The following CDAN1 variants were observed in gnomAD, a reference collection of about 807,000 sequenced individuals.
CDAN1 encodes codanin-1.
CDAN1 carries 107 observed loss-of-function variants against 139.8 expected under a neutral mutation model. The ratio of observed to expected loss-of-function variants is 0.77; its 90% CI spans 0.65 to 0.90. CDAN1 has a LOEUF of 0.90. CDAN1 is among the 40% of genes least tolerant of loss of function. The probability of loss-of-function intolerance (pLI) is 0.00; values close to 1 mark genes in which losing one functional copy is unlikely to be tolerated. For missense variants in CDAN1, 1,667 were observed against 1,575.7 expected, an observed-to-expected ratio of 1.06 and a Z score of -0.98; for synonymous variants, 776 against 660.6, an observed-to-expected ratio of 1.17 and a Z score of -2.68.
At chr15:42,729,766 C>T (rs763331335) in intron 16 of CDAN1, 30 bp downstream of exon 16, 1 of 1,606,272 alleles carries the variant, frequency 6.2e-7, no homozygotes, top group South Asian at 1.1e-5. Flanking sequence ...CCTGAGTTTC[C>T]CATGGCTCTG....
intron 10 of CDAN1, 141 bp from the exon 11 acceptor site, chr15:42,731,966 A>G: frequency 1.2e-6 from 1 of 810,266 alleles, no homozygotes; most frequent in Non-Finnish European, 2.1e-6. Flanking sequence ...CTGAGATGTG[A>G]ATTACAGTAT....
At chr15:42,726,515 A>C in intron 23 of CDAN1, 98 bp from the exon 24 acceptor site, 1 of 929,536 alleles carries the variant, frequency 1.1e-6, no homozygotes, top group Non-Finnish European at 1.7e-6. Context: ...GAGAGGCAGA[A>C]GAATGGGCCC....
intron 13 of CDAN1, 22 bp downstream of exon 13, chr15:42,730,903 C>G: frequency 1.2e-6 from 2 of 1,614,162 alleles, no homozygotes; most frequent in Non-Finnish European, 1.7e-6. Context: ...TCCCTCCTCA[C>G]CAGAATCCCC....
intron 9 of CDAN1, 102 bp downstream of exon 9, chr15:42,732,994 TG>T (rs1323601864): frequency 4.5e-6 from 4 of 898,540 alleles, no homozygotes; most frequent in Non-Finnish European, 7.1e-6. Flanking sequence ...AGCTAATGGC[TG>T]GTAGGAGCGG....
chr15:42,727,540 G>A, intron 23 of CDAN1, 81 bp downstream of exon 23: 7 of 1,303,772 alleles, frequency 5.4e-6, no homozygotes, highest in Non-Finnish European at 7.3e-6. Context: ...AAATCCTGGA[G>A]CTGATGTGAG....
Position 42,737,066 on chromosome 15 carries a change from C to T in CDAN1, c.37G>A (p.Val13Met), listed in dbSNP as rs2061701290. 6.5e-7 allele frequency: 1 copy of T among 1,541,286 alleles called. No individual in the cohort carries two copies. The highest frequency in any genetic ancestry group is 1.7e-4 in the Middle Eastern group (1 of 5,934). ...CACCGCACGACGGCTGCGACCGACACCTCTTCTCGCAGCAGCGACTCCAAA... is the reference window on the plus strand; with the variant it reads ...CACCGCACGACGGCTGCGACCGACATCTCTTCTCGCAGCAGCGACTCCAAA... ...AVLESLLREE[V>M]SVAAVVRWIA... The change falls in exon 1 of 28, where the codon GTG (valine) becomes ATG (methionine). Residue 13 changes from valine (V) to methionine (M), a missense_variant. By Grantham distance (21) the Val-to-Met change is conservative. Coordinates refer to ENST00000356231, the MANE Select transcript of CDAN1 (RefSeq NM_138477.4).
chr15:42,729,704 G>C, intron 16 of CDAN1, 82 bp from the exon 17 acceptor site: 1 of 1,592,710 alleles, frequency 6.3e-7, no homozygotes, highest in East Asian at 2.2e-5. Context: ...GCCTTTACAA[G>C]GGTTACATCT....
chr15:42,735,938 C>T lies in CDAN1; in HGVS notation c.710G>A (p.Gly237Asp). Residue 237 changes from glycine (G) to aspartate (D), a missense_variant, in exon 3 of 28, where the codon GGC becomes GAC. Transcript: ENST00000356231. The stretch of plus-strand genomic sequence containing the variant: ...TCTGCACCCTGGGGGAAGGCCAAGG[C>T]CCCAAGGGCTAGTGTCCAGGGCTGA... ...QPSALDTSPW[G>D]LGLPPGCRSL... 6.2e-7 allele frequency: 1 copy of T among 1,614,158 alleles called. No individual in the cohort carries two copies. Among genetic ancestry groups the T allele is most frequent in the Non-Finnish European group, 8.5e-7 (1 of 1,180,018 alleles).
chr15:42,725,476 C>A lies in CDAN1; in HGVS notation c.3450+13G>T. The A allele has an allele frequency of 6.2e-7, 1 of 1,614,094 alleles. No homozygotes were observed. The highest frequency in any genetic ancestry group is 8.5e-7 in the Non-Finnish European group (1 of 1,180,026). On this transcript the variant is annotated intron_variant, in intron 26 of 27. Coordinates refer to ENST00000356231, the MANE Select transcript of CDAN1 (RefSeq NM_138477.4). ...GTGTGACTGCAGAGGGCTTCTTGTT[C>A]CGTCTGACTCACCTCCCTTGGCCTT...
In CDAN1 at chr15:42,727,697, CGGGCAGCAGGTTCAGGACCCT is replaced by C; in HGVS notation, c.2999_3019del (p.Gln1000_Ala1006del). 6.3e-7 allele frequency: 1 copy of C among 1,584,860 alleles called. No homozygotes were observed. Among genetic ancestry groups the C allele is most frequent in the Non-Finnish European group, 8.6e-7 (1 of 1,161,672 alleles). On this transcript the variant is annotated inframe_deletion, in exon 23 of 28. Coordinates refer to ENST00000356231, the MANE Select transcript of CDAN1 (RefSeq NM_138477.4). ...GCGGGAGCAGCCCCTCCGCTCCCCC[CGGGCAGCAGGTTCAGGACCCT>C]GGGCTCGAAGTGTGCGACTCACTGC...
In CDAN1 at chr15:42,730,221, A is replaced by C. The variant is rs753464277; in HGVS notation, c.2175-6T>G. ...CCTGCGACAACACCAAGCTCCTGAA[A>C]CATCAATGGGCAGTACACGGGTTTG... On this transcript the variant is annotated splice_region_variant and splice_polypyrimidine_tract_variant and intron_variant, in intron 14 of 27. Coordinates refer to ENST00000356231, the MANE Select transcript of CDAN1 (RefSeq NM_138477.4). 1 of 1,613,060 alleles carries C rather than the reference A, an allele frequency of 6.2e-7. No homozygotes were observed. The highest frequency in any genetic ancestry group is 1.1e-5 in the South Asian group (1 of 91,046).
intron 8 of CDAN1, 22 bp from the exon 9 acceptor site, chr15:42,733,208 T>C: frequency 2.5e-6 from 4 of 1,605,628 alleles, no homozygotes; most frequent in Non-Finnish European, 3.4e-6. Context: ...GAACGCCTGA[T>C]CAGCCGAGGC....
In CDAN1 at chr15:42,727,633, G is replaced by T; in HGVS notation, c.3084C>A (p.Ile1028=). The T allele has an allele frequency of 6.3e-7, 1 of 1,576,310 alleles. No individual in the cohort carries two copies. The highest frequency in any genetic ancestry group is 8.6e-7 in the Non-Finnish European group (1 of 1,157,670). The change falls in exon 23 of 28, where the codon ATC becomes ATA. Residue 1028 remains isoleucine, a synonymous_variant. Transcript: ENST00000356231. ...GGTAGCCGTGTACTTTTATCTCGGA[G>T]ATGAGGTGGGAGGGGAGGGGAGCAT... is the stretch of plus-strand genomic sequence containing the variant. ...EHHAPLPSHL[I]SEIKDVLSLA...
Position 42,723,625 on chromosome 15 carries a change from G to A in CDAN1, c.*866C>T, listed in dbSNP as rs1340040577. 6.6e-6 allele frequency: 1 copy of A among 152,246 alleles called. No individual in the cohort carries two copies. Among genetic ancestry groups the A allele is most frequent in the African/African-American group, 2.4e-5 (1 of 41,454 alleles). 9.4% of individuals were successfully genotyped at this position (152,246 alleles called of 1,614,324 possible). On this transcript the variant is annotated 3_prime_UTR_variant, in exon 28 of 28. Coordinates refer to ENST00000356231, the MANE Select transcript of CDAN1 (RefSeq NM_138477.4). The stretch of plus-strand genomic sequence containing the variant: ...CCTGTGCTTGGTCCCTGGTCAGGGA[G>A]AGGTCTCAAGAGGTTACTACCTGCA...
chr15:42,733,019 T>G, intron 9 of CDAN1, 78 bp downstream of exon 9: 1 of 1,240,866 alleles, frequency 8.1e-7, no homozygotes, highest in East Asian at 2.3e-5. Context: ...AAACCTTCCC[T>G]CCTCCTCCCT....
chr15:42,730,796 G>T, intron 13 of CDAN1, 32 bp from the exon 14 acceptor site: 1 of 1,612,772 alleles, frequency 6.2e-7, no homozygotes, highest in Non-Finnish European at 8.5e-7. Context: ...CAGGGGGCAG[G>T]TCCCTAGGAA....
chr15:42,730,971 G>A lies in CDAN1; in HGVS notation c.1961C>T (p.Pro654Leu), dbSNP rs762265001. ...AFLPYRGPEP[P>L]PTGELQDSIL... The stretch of plus-strand genomic sequence containing the variant: ...GGAGTCCTGAAGCTCACCGGTCGGG[G>A]GAGGTTCAGGCCCCCGGTATGGCAG... The change falls in exon 13 of 28, where the codon CCC becomes CTC. Residue 654 changes from proline (P) to leucine (L), a missense_variant. Transcript: ENST00000356231. 6.2e-7 allele frequency: 1 copy of A among 1,614,064 alleles called. No homozygotes were observed.
At chr15:42,728,389 G>GGCCAAC in intron 20 of CDAN1, 122 bp from the exon 21 acceptor site, 2 of 1,077,142 alleles carry the variant, frequency 1.9e-6, no homozygotes, top group Non-Finnish European at 2.8e-6. Flanking sequence ...GGCACCGTTT[G>GGCCAAC]CCCTCCCGCC....
Position 42,737,094 on chromosome 15 carries a change from G to C in CDAN1, c.9C>G (p.Ala3=), listed in dbSNP as rs760270139. The C allele has an allele frequency of 1.4e-5, 22 of 1,518,626 alleles. No homozygotes were observed. The highest frequency in any genetic ancestry group is 5.7e-5 in the African/African-American group (4 of 70,382). The allele number at this position is 1,518,626 out of a possible 1,614,324, so 94.1% of individuals were successfully genotyped here. A position where few individuals can be genotyped will look rare whatever the true frequency, so the allele number is the denominator to read the frequency against. Residue 3 remains alanine, a synonymous_variant, in exon 1 of 28, where the codon GCC becomes GCG. Transcript: ENST00000356231. ...CTTCTCGCAGCAGCGACTCCAAAACGGCCGCCATCCCGGTCGGGGCGCTCT... is the reference window on the plus strand; with the variant it reads ...CTTCTCGCAGCAGCGACTCCAAAACCGCCGCCATCCCGGTCGGGGCGCTCT... MA[A]VLESLLREEV...
Sources: gnomAD v4.1 joint callset for allele counts on GRCh38, gnomAD v4.1.1 for gene constraint, MANE v1.5 for transcripts, NCBI Gene and HGNC (gene_info 2026-07-23, HGNC 2026-07-21) for gene names.